Variants in MARK3 observed in about 807,000 individuals in gnomAD.
The protein encoded by MARK3 is MAP/microtubule affinity-regulating kinase 3.
MARK3 carries 46 observed loss-of-function variants against 90.1 expected under a neutral mutation model. That is an observed-to-expected ratio of 0.51 (90% CI 0.40 to 0.65). The LOEUF (loss-of-function observed/expected upper bound fraction) is 0.65, where lower values mean the gene tolerates loss of function less well. MARK3 is among the 30% of genes least tolerant of loss of function. The pLI is 0.00. For missense variants in MARK3, 818 were observed against 947.2 expected (o/e 0.86, Z 1.79); for synonymous variants, 321 against 332.6 (o/e 0.97, Z 0.38).
chr14:103,405,372 A>C, intron 2 of MARK3, 105 bp downstream of exon 2: 1 of 911,526 alleles, frequency 1.1e-6, no homozygotes. Context: ...TTTTTTTAAG[A>C]TGGAGTCTCG....
intron 14 of MARK3, among the ~76,000 whole-genome samples, chr14:103,488,375 G>A (rs747955370): frequency 6.6e-6 from 1 of 152,114 alleles, no homozygotes; most frequent in South Asian, 2.1e-4. Context: ...CTTGATCTGT[G>A]TGGGGCCTAG....
chr14:103,462,850 G>T (rs1198886901), intron 7 of MARK3, among the ~76,000 whole-genome samples: 1 of 152,146 alleles, frequency 6.6e-6, no homozygotes, highest in Admixed American at 6.5e-5. Context: ...AAGGTCCTCA[G>T]CCTCTGCCCT....
At chr14:103,483,949 T>G (rs2093873858) in intron 14 of MARK3, among the ~76,000 whole-genome samples, 1 of 152,212 alleles carries the variant, frequency 6.6e-6, no homozygotes, top group Non-Finnish European at 1.5e-5. Context: ...TTATAGACTG[T>G]TCAGACAAGG....
At chr14:103,446,902 AGTTT>A (rs1219211397) in intron 3 of MARK3, among the ~76,000 whole-genome samples, 1 of 150,798 alleles carries the variant, frequency 6.6e-6, no homozygotes, top group Non-Finnish European at 1.5e-5. Context: ...TTTCTGTGTT[AGTTT>A]AACAGAGGAG....
intron 13 of MARK3, among the ~76,000 whole-genome samples, chr14:103,478,311 A>G (rs1166537016): frequency 6.8e-6 from 1 of 147,148 alleles, no homozygotes; most frequent in Non-Finnish European, 1.5e-5. Context: ...AAAAAAAAAA[A>G]GAACACCTGT....
chr14:103,491,885 C>A lies in MARK3; in HGVS notation c.1695C>A (p.Phe565Leu). The A allele has an allele frequency of 1.2e-6, 2 of 1,614,220 alleles. No individual in the cohort carries two copies. Among genetic ancestry groups the A allele is most frequent in the Non-Finnish European group, 1.7e-6 (2 of 1,180,040 alleles). ...FPRGTASRST[F>L]HGQPRERRTA... ...GAGGCACTGCCAGTCGTAGCACTTT[C>A]CACGGCCAGCCCCGGGAACGGCGAA... is the stretch of plus-strand genomic sequence containing the variant. Residue 565 changes from phenylalanine (F) to leucine (L), a missense_variant, in exon 15 of 18, where the codon TTC becomes TTA. By Grantham distance (22) the Phe-to-Leu change is conservative (BLOSUM62 0). Transcript: ENST00000429436.
intron 2 of MARK3, among the ~76,000 whole-genome samples, chr14:103,413,895 T>C (rs2140873368): frequency 6.6e-6 from 1 of 152,312 alleles, no homozygotes; most frequent in East Asian, 1.9e-4. Flanking sequence ...TGTTCCTTTT[T>C]GTTGCTGAGA....
intron 11 of MARK3, 152 bp from the exon 12 acceptor site, chr14:103,467,881 T>G (rs2093545142): frequency 1.6e-6 from 1 of 627,412 alleles, no homozygotes; most frequent in Non-Finnish European, 2.6e-6. Flanking sequence ...TACTTTTGCT[T>G]GAGTTTAGGG....
At chr14:103,476,257 C>T (rs1031459377) in intron 13 of MARK3, among the ~76,000 whole-genome samples, 9 of 152,190 alleles carry the variant, frequency 5.9e-5, no homozygotes, top group African/African-American at 1.7e-4. Flanking sequence ...TGGAAGCCTA[C>T]GTGCACACAC....
intron 2 of MARK3, chr14:103,412,673 T>A: frequency 1.1e-6 from 1 of 898,298 alleles, no homozygotes; most frequent in Middle Eastern, 2.7e-4. Flanking sequence ...CTCCACCATC[T>A]TCAGGAACTT....
Position 103,503,147 on chromosome 14 carries a change from G to T in MARK3, c.2182G>T (p.Val728Phe). 1 of 1,614,196 alleles carries T rather than the reference G, an allele frequency of 6.2e-7. No individual in the cohort carries two copies. Among genetic ancestry groups the T allele is most frequent in the Non-Finnish European group, 8.5e-7 (1 of 1,180,046 alleles). Residue 728 changes from valine to phenylalanine, a missense_variant, in exon 18 of 18, where the codon GTC (valine) becomes TTC (phenylalanine). Val to Phe is a conservative substitution (Grantham distance 50). Transcript: ENST00000429436. Reference protein sequence around the residue: ...CKLPRLSLNGVRFKRISGTSI... With the variant: ...CKLPRLSLNGFRFKRISGTSI... Reference sequence around the variant, plus strand: ...GCTGCCAAGACTGTCTCTGAACGGGGTCCGGTTTAAGCGGATATCGGGGAC... The same window carrying T: ...GCTGCCAAGACTGTCTCTGAACGGGTTCCGGTTTAAGCGGATATCGGGGAC...
intron 1 of MARK3, among the ~76,000 whole-genome samples, chr14:103,397,614 C>T (rs982183210): frequency 1.1e-4 from 17 of 152,218 alleles, no homozygotes; most frequent in Non-Finnish European, 1.5e-4. Flanking sequence ...CGTGAGCTAC[C>T]GCACCTGGCC....
intron 5 of MARK3, among the ~76,000 whole-genome samples, chr14:103,452,719 C>T (rs1052144095): frequency 3.3e-5 from 5 of 151,992 alleles, no homozygotes; most frequent in Non-Finnish European, 7.4e-5. Flanking sequence ...GATCCGCCCG[C>T]CTCGGCCTCC....
At chr14:103,399,645 A>G (rs2090821386) in intron 1 of MARK3, among the ~76,000 whole-genome samples, 1 of 149,856 alleles carries the variant, frequency 6.7e-6, no homozygotes, top group Non-Finnish European at 1.5e-5. Context: ...CTTGCAGTGA[A>G]TCGAGATGGC....
intron 1 of MARK3, among the ~76,000 whole-genome samples, chr14:103,396,505 T>A (rs2090590027): frequency 6.6e-6 from 1 of 152,206 alleles, no homozygotes; most frequent in Non-Finnish European, 1.5e-5. Context: ...AGCCATGATT[T>A]ATAACCAGAC....
chr14:103,484,261 T>C (rs2093881859), intron 14 of MARK3, among the ~76,000 whole-genome samples: 1 of 151,330 alleles, frequency 6.6e-6, no homozygotes, highest in Non-Finnish European at 1.5e-5. Flanking sequence ...CACTGCAACC[T>C]CCATCTCCCG....
chr14:103,407,155 ATTACT>A lies in MARK3; in HGVS notation c.243+1892_243+1896del, dbSNP rs2091350811. Among the ~76,000 whole-genome samples, 10 of 152,152 alleles carry A rather than the reference ATTACT, an allele frequency of 6.6e-5. No homozygotes were observed. The South Asian group carries it at 1.9e-3, about 28-fold the overall frequency. ...CATCTGGGAGTTCTTTTGCTTTCCC[ATTACT>A]TTAAACGTTGGAAATATCATAGAGT... On this transcript the variant is annotated intron_variant, in intron 2 of 17. Transcript: ENST00000429436.
chr14:103,498,421 C>G (rs974345999), intron 15 of MARK3, 81 bp from the exon 16 acceptor site: 2 of 982,904 alleles, frequency 2.0e-6, no homozygotes, highest in Non-Finnish European at 2.8e-6. Context: ...TTCTTTCTCT[C>G]TGTAATTGAT....
chr14:103,448,818 T>C, intron 3 of MARK3, 101 bp from the exon 4 acceptor site: 1 of 1,168,732 alleles, frequency 8.6e-7, no homozygotes. Flanking sequence ...AATGAATCTG[T>C]TATCTAAGAG....
Sources: allele counts gnomAD v4.1 joint callset (sites outside exome capture counted in the v4.1 genomes callset), GRCh38; gene constraint gnomAD v4.1.1; transcripts MANE v1.5; gene names NCBI Gene and HGNC (gene_info 2026-07-23, HGNC 2026-07-21).